Variants in C22orf31 observed in about 807,000 individuals in gnomAD.
C22orf31 encodes the protein uncharacterized protein C22orf31.
C22orf31 carries 11 observed loss-of-function variants against 15.0 expected under a neutral mutation model. The ratio of observed to expected loss-of-function variants is 0.73; its 90% confidence interval spans 0.46 to 1.21. The LOEUF (loss-of-function observed/expected upper bound fraction) is 1.21. Ranked by LOEUF, C22orf31 falls within the 50% of genes most tolerant of loss-of-function variation. The pLI is 0.00. For missense variants in C22orf31, 340 were observed against 347.2 expected (o/e 0.98, Z 0.17); for synonymous variants, 132 against 133.3 (o/e 0.99, Z 0.07).
chr22:29,060,910 A>C, intron 1 of C22orf31, 67 bp from the exon 2 acceptor site: 2 of 1,311,230 alleles, frequency 1.5e-6, no homozygotes, highest in Non-Finnish European at 2.1e-6. Flanking sequence ...TAAAAGGTCT[A>C]CTTTGAAGGC....
the C22orf31 span, among the ~76,000 whole-genome samples, chr22:29,071,294 C>G: frequency 1.1e-4 from 17 of 152,204 alleles, no homozygotes; most frequent in Non-Finnish European, 2.2e-4. Flanking sequence ...CAAGATTCTT[C>G]TTGCTACAGC....
chr22:29,064,694 TTTTTTTTTTTTTTTTTTTTTTTTTTTTG>T (rs2037417593), upstream of C22orf31, among the ~76,000 whole-genome samples: 1 of 23,470 alleles, frequency 4.3e-5, no homozygotes, highest in African/African-American at 1.6e-4. Flanking sequence ...TTTTTTTTTT[TTTTTTTTTTTTTTTTTTTTTTTTTTTTG>T]TAGAGATGAG....
the C22orf31 span, among the ~76,000 whole-genome samples, chr22:29,068,288 C>G: frequency 1.3e-4 from 19 of 151,888 alleles, no homozygotes; most frequent in Admixed American, 1.1e-3. Flanking sequence ...TGGGGTTTCA[C>G]CATGTTGGCC....
chr22:29,066,489 A>AGAT (rs2037429999), upstream of C22orf31, among the ~76,000 whole-genome samples: 2 of 147,526 alleles, frequency 1.4e-5, no homozygotes, highest in Non-Finnish European at 1.5e-5. Context: ...TGACTCCCGC[A>AGAT]GATGTCCCAC....
In C22orf31 at chr22:29,058,822, G is replaced by A. The variant is rs752885816; in HGVS notation, c.793C>T (p.Arg265Trp). The change falls in exon 3 of 3, where the codon CGG (arginine) becomes TGG (tryptophan). Residue 265 changes from arginine to tryptophan, a missense_variant. By Grantham distance (101) the Arg-to-Trp change is moderately radical. Coordinates refer to ENST00000216071, the MANE Select transcript of C22orf31 (RefSeq NM_015370.2). ...GAISEGAQRD[R>W]FPGRKQPGVH... The stretch of plus-strand genomic sequence containing the variant: ...CCTGGCTGCTTCCTGCCAGGGAACC[G>A]GTCCCTCTGAGCACCTTCAGAGATG... The A allele has an allele frequency of 1.1e-5, 17 of 1,614,124 alleles. No individual in the cohort carries two copies. The highest frequency in any genetic ancestry group is 1.7e-5 in the Admixed American group (1 of 60,020).
chr22:29,073,156 C>T, the C22orf31 span: 1 of 1,146,336 alleles, frequency 8.7e-7, no homozygotes, highest in Non-Finnish European at 1.1e-6. The surrounding 1 kb of genome is among the most constrained non-coding windows in gnomAD (Gnocchi z 4.4). Context: ...GCCCGCCTCG[C>T]CCTGCTCTCC....
upstream of C22orf31, among the ~76,000 whole-genome samples, chr22:29,065,374 G>T (rs891044519): frequency 1.3e-5 from 2 of 152,042 alleles, no homozygotes; most frequent in Non-Finnish European, 2.9e-5. Context: ...AGGAGTTCAA[G>T]ATGAGCTTGG....
At position 29,060,757 on chromosome 22, in the gene C22orf31, G is replaced by A; in HGVS notation, c.90C>T (p.Cys30=). 2 of 1,614,000 alleles carry A rather than the reference G, an allele frequency of 1.2e-6. No homozygotes were observed. Among genetic ancestry groups the A allele is most frequent in the Non-Finnish European group, 1.7e-6 (2 of 1,179,886 alleles). ...TGGTGAGAGCCGGTGAGTCCACATAGCAGTCCTGAAGCCTGGTATTTAATA... is the reference window on the plus strand; with the variant it reads ...TGGTGAGAGCCGGTGAGTCCACATAACAGTCCTGAAGCCTGGTATTTAATA... ...SILLNTRLQD[C]YVDSPALTNI... The change falls in exon 2 of 3, where the codon TGC becomes TGT. Residue 30 remains cysteine, a synonymous_variant. Transcript: ENST00000216071.
the C22orf31 span, among the ~76,000 whole-genome samples, chr22:29,072,451 A>T: frequency 6.6e-6 from 1 of 152,214 alleles, no homozygotes; most frequent in Non-Finnish European, 1.5e-5. Flanking sequence ...ATTTAGTGCA[A>T]GCGCTCTGAG....
chr22:29,065,229 G>T (rs913060471), upstream of C22orf31, among the ~76,000 whole-genome samples: 1 of 152,128 alleles, frequency 6.6e-6, no homozygotes, highest in Non-Finnish European at 1.5e-5. Context: ...TGGTCTAAGT[G>T]ATGTAATGCA....
At chr22:29,070,338 TAC>T in the C22orf31 span, among the ~76,000 whole-genome samples, 1 of 152,188 alleles carries the variant, frequency 6.6e-6, no homozygotes, top group African/African-American at 2.4e-5. Context: ...CTAAGCAGTG[TAC>T]ATGACAGAGA....
the C22orf31 span, among the ~76,000 whole-genome samples, chr22:29,067,820 A>T: frequency 1.3e-5 from 2 of 152,050 alleles, no homozygotes; most frequent in African/African-American, 4.8e-5. Context: ...ATCCTCGTTC[A>T]CTGTAACCTC....
At chr22:29,062,027 G>C (rs1483807948), upstream of C22orf31, among the ~76,000 whole-genome samples, 1 of 152,144 alleles carries the variant, frequency 6.6e-6, no homozygotes, top group Non-Finnish European at 1.5e-5. Context: ...TTTGGTTTGT[G>C]ATGTGGGTGT....
Position 29,058,705 on chromosome 22 carries a change from C to G in C22orf31, c.*37G>C. 1 of 1,487,782 alleles carries G rather than the reference C, an allele frequency of 6.7e-7. No individual in the cohort carries two copies. Among genetic ancestry groups the G allele is most frequent in the Non-Finnish European group, 9.2e-7 (1 of 1,092,520 alleles). The allele number at this position is 1,487,782 out of a possible 1,614,324, so 92.2% of individuals were successfully genotyped here. Reference sequence around the variant, plus strand: ...AAAGTTGTGTTTATTTTTCAGATCTCTAGCAGAGAATACTCTAATCCCATG... The same window carrying G: ...AAAGTTGTGTTTATTTTTCAGATCTGTAGCAGAGAATACTCTAATCCCATG... On this transcript the variant is annotated 3_prime_UTR_variant, in exon 3 of 3. Coordinates refer to ENST00000216071, the MANE Select transcript of C22orf31 (RefSeq NM_015370.2).
At chr22:29,060,261 G>GA (rs1486542091) in intron 2 of C22orf31, among the ~76,000 whole-genome samples, 154 bp downstream of exon 2, 2 of 148,092 alleles carry the variant, frequency 1.4e-5, no homozygotes, top group Non-Finnish European at 3.0e-5. Context: ...TGAACTCTCT[G>GA]AGCTCAAGTG....
upstream of C22orf31, chr22:29,061,842 A>G: frequency 2.1e-6 from 3 of 1,426,596 alleles, no homozygotes; most frequent in Non-Finnish European, 2.9e-6. Context: ...AGGGGAAGAA[A>G]TATGTATTTT....
chr22:29,062,148 G>T (rs1194060015), upstream of C22orf31, among the ~76,000 whole-genome samples: 1 of 152,088 alleles, frequency 6.6e-6, no homozygotes, highest in East Asian at 1.9e-4. Flanking sequence ...CCCCAAAATG[G>T]CTTGGATGAA....
chr22:29,060,722 A>G lies in C22orf31; in HGVS notation c.125T>C (p.Met42Thr). ...VDSPALTNIWMARTCAKQNIN... is the reference protein window; with the variant it reads ...VDSPALTNIWTARTCAKQNIN... ...GTTCTGCTTTGCACATGTTCTGGCC[A>G]TCCAGATGTTGGTGAGAGCCGGTGA... The change falls in exon 2 of 3, where the codon ATG (methionine) becomes ACG (threonine). Residue 42 changes from methionine to threonine, a missense_variant. Physicochemically the swap from Met to Thr is moderately conservative, Grantham distance 81 (BLOSUM62 -1). Coordinates refer to ENST00000216071, the MANE Select transcript of C22orf31 (RefSeq NM_015370.2). 5 of 1,614,180 alleles carry G rather than the reference A, an allele frequency of 3.1e-6. 1 individual carries two copies. Among genetic ancestry groups the G allele is most frequent in the Middle Eastern group, 3.3e-4 (2 of 6,062 alleles).
upstream of C22orf31, among the ~76,000 whole-genome samples, chr22:29,062,958 A>C (rs2037405722): frequency 1.3e-5 from 2 of 152,034 alleles, no homozygotes; most frequent in African/African-American, 4.8e-5. Flanking sequence ...TCAGTCTTGG[A>C]AAAATGGCAC....
Sources: gnomAD v4.1 joint callset for allele counts (sites outside exome capture counted in the v4.1 genomes callset) on GRCh38, gnomAD v4.1.1 for gene constraint, Gnocchi (gnomAD v3.1) non-coding constraint, MANE v1.5 for transcripts, NCBI Gene and HGNC (gene_info 2026-07-23, HGNC 2026-07-21) for gene names.